Variants in CNTNAP2 observed in about 807,000 individuals in gnomAD.
CNTNAP2 encodes the protein contactin-associated protein-like 2.
A neutral mutation model predicts 155.2 loss-of-function variants in CNTNAP2; 98 were observed. The observed-to-expected ratio is 0.63, with a 90% CI of 0.54 to 0.75. The LOEUF is 0.75. Ranked by LOEUF, CNTNAP2 falls within the 30% of genes least tolerant of loss-of-function variation. The pLI is 0.00. For missense variants in CNTNAP2, 1,727 were observed against 1,688.1 expected, an observed-to-expected ratio of 1.02 and a Z score of -0.40; for synonymous variants, 651 against 631.2, an observed-to-expected ratio of 1.03 and a Z score of -0.47.
At chr7:148,051,161 C>A (rs1802882397) in intron 15 of CNTNAP2, among the ~76,000 whole-genome samples, 1 of 152,152 alleles carries the variant, frequency 6.6e-6, no homozygotes, top group Non-Finnish European at 1.5e-5. Context: ...TTTGCTACTA[C>A]TTTTTTCTAA....
intron 1 of CNTNAP2, among the ~76,000 whole-genome samples, chr7:146,767,879 C>A (rs11977396): frequency 0.27 from 40,684 of 151,806 alleles, 9,536 homozygotes; most frequent in African/African-American, 0.64. Flanking sequence ...CAAGCTGCCC[C>A]AATTTATGTT....
chr7:148,059,813 A>T (rs1803099681), intron 15 of CNTNAP2, among the ~76,000 whole-genome samples: 1 of 150,860 alleles, frequency 6.6e-6, no homozygotes, highest in African/African-American at 2.4e-5. Flanking sequence ...ACTTGATACA[A>T]AGTCTGCACT....
intron 8 of CNTNAP2, among the ~76,000 whole-genome samples, chr7:147,243,697 C>G (rs1410281882): frequency 6.6e-6 from 1 of 152,190 alleles, no homozygotes; most frequent in Non-Finnish European, 1.5e-5. Context: ...TTAGGTGAAG[C>G]TCACTGACTA....
chr7:146,330,020 T>C (rs1276508232), intron 1 of CNTNAP2, among the ~76,000 whole-genome samples: 1 of 134,428 alleles, frequency 7.4e-6, no homozygotes, highest in Non-Finnish European at 1.6e-5. Flanking sequence ...TTCTTTTTTT[T>C]TTTTTTTTTT....
At chr7:146,430,563 A>G (rs572580273) in intron 1 of CNTNAP2, among the ~76,000 whole-genome samples, 10 of 152,166 alleles carry the variant, frequency 6.6e-5, no homozygotes, top group Non-Finnish European at 1.0e-4. Flanking sequence ...AAGTGGTGTT[A>G]TATAATGTAC....
chr7:147,170,103 G>A (rs559726081), intron 8 of CNTNAP2, among the ~76,000 whole-genome samples: 2 of 152,134 alleles, frequency 1.3e-5, no homozygotes, highest in African/African-American at 4.8e-5. Context: ...CAGAAATTGA[G>A]TATAGTCAGT....
intron 9 of CNTNAP2, among the ~76,000 whole-genome samples, chr7:147,318,212 T>C (rs1220270461): frequency 6.6e-6 from 1 of 152,046 alleles, no homozygotes; most frequent in Non-Finnish European, 1.5e-5. Flanking sequence ...GAAGCTGAGG[T>C]AGGAGAATCA....
chr7:146,314,493 A>G (rs1268775382), intron 1 of CNTNAP2, among the ~76,000 whole-genome samples: 2 of 152,146 alleles, frequency 1.3e-5, no homozygotes, highest in Admixed American at 1.3e-4. Context: ...ACTCCAAGGA[A>G]TGAAGCTGAG....
intron 21 of CNTNAP2, among the ~76,000 whole-genome samples, chr7:148,331,164 C>G (rs368554180): frequency 1.7e-5 from 2 of 119,718 alleles, no homozygotes; most frequent in South Asian, 5.6e-4. Context: ...ATGGAATGGA[C>G]GGATGGAATG....
chr7:148,361,233 A>C (rs1001313254), intron 21 of CNTNAP2, among the ~76,000 whole-genome samples: 8 of 152,192 alleles, frequency 5.3e-5, no homozygotes, highest in African/African-American at 1.9e-4. Flanking sequence ...CTCATTTAAA[A>C]AGTGTTTCTT....
chr7:146,785,712 A>C (rs1802564413), intron 2 of CNTNAP2, among the ~76,000 whole-genome samples: 1 of 152,230 alleles, frequency 6.6e-6, no homozygotes, highest in African/African-American at 2.4e-5. Context: ...TAGAAATTTA[A>C]ATCTCATTTT....
At chr7:146,891,644 A>G (rs1795779634) in intron 3 of CNTNAP2, among the ~76,000 whole-genome samples, 1 of 152,212 alleles carries the variant, frequency 6.6e-6, no homozygotes, top group South Asian at 2.1e-4. Context: ...TTTTTACAAT[A>G]ATATGACATT....
intron 17 of CNTNAP2, among the ~76,000 whole-genome samples, chr7:148,158,308 C>T (rs974986097): frequency 2.8e-5 from 4 of 145,206 alleles, no homozygotes; most frequent in East Asian, 4.4e-4. Context: ...CTGCAACCTC[C>T]GCCTCCCGGG....
intron 3 of CNTNAP2, among the ~76,000 whole-genome samples, chr7:146,940,833 A>AGAGG (rs1346130388): frequency 6.8e-6 from 1 of 146,438 alleles, no homozygotes; most frequent in Admixed American, 6.8e-5. Context: ...ATACATATAG[A>AGAGG]GAGAAAGAGA....
intron 1 of CNTNAP2, among the ~76,000 whole-genome samples, chr7:146,401,336 G>A (rs1161274621): frequency 1.3e-5 from 2 of 152,046 alleles, no homozygotes; most frequent in African/African-American, 4.8e-5. Context: ...GGCAAGTAAC[G>A]GAGCTGGTGG....
At chr7:146,212,399 T>C (rs57167341) in intron 1 of CNTNAP2, among the ~76,000 whole-genome samples, 4,994 of 152,150 alleles carry the variant, frequency 0.033, 277 homozygotes, top group African/African-American at 0.11. Flanking sequence ...GTGTCCCTGT[T>C]TTAAGATGGT....
At chr7:146,944,774 A>G (rs572423831) in intron 3 of CNTNAP2, among the ~76,000 whole-genome samples, 1 of 152,048 alleles carries the variant, frequency 6.6e-6, no homozygotes, top group Non-Finnish European at 1.5e-5. Context: ...GCTACTCGGG[A>G]GGCTGAGGCA....
At chr7:146,945,261 G>A (rs1241248484) in intron 3 of CNTNAP2, among the ~76,000 whole-genome samples, 1 of 152,160 alleles carries the variant, frequency 6.6e-6, no homozygotes, top group Non-Finnish European at 1.5e-5. Flanking sequence ...GCACTGCCAT[G>A]TTTTATGTTC....
At chr7:147,276,524 C>T (rs1193085121) in intron 8 of CNTNAP2, among the ~76,000 whole-genome samples, 1 of 151,982 alleles carries the variant, frequency 6.6e-6, no homozygotes, top group Non-Finnish European at 1.5e-5. Flanking sequence ...GTTACAGATA[C>T]CATAGCTTGT....
Sources: gnomAD v4.1 joint callset for allele counts (sites outside exome capture counted in the v4.1 genomes callset) on GRCh38, gnomAD v4.1.1 for gene constraint, MANE v1.5 for transcripts, NCBI Gene and HGNC (gene_info 2026-07-23, HGNC 2026-07-21) for gene names.